UST: variants seen among roughly 807,000 people sequenced by gnomAD.
UST encodes uronyl 2-sulfotransferase, also known as chondroitin sulfate 2-O-sulfotransferase.
Under a neutral mutation model 45.6 loss-of-function variants are expected in UST, and 21 were observed. That is an observed-to-expected ratio of 0.46 (90% CI 0.33 to 0.66). UST has a LOEUF of 0.66. UST is among the 30% of genes least tolerant of loss of function. The pLI, the probability that UST is intolerant of heterozygous loss-of-function variation, is 0.02. For synonymous variants in UST, 215 were observed against 200.6 expected (o/e 1.07, Z -0.61); for missense variants, 463 against 512.4 (o/e 0.90, Z 0.93).
chr6:148,900,963 C>G (rs886964435), intron 2 of UST, among the ~76,000 whole-genome samples: 1 of 152,218 alleles, frequency 6.6e-6, no homozygotes, highest in Non-Finnish European at 1.5e-5. Flanking sequence ...ATCTCAGACT[C>G]TCCTTCTCCT....
At chr6:148,825,407 C>T (rs1052093889) in intron 1 of UST, among the ~76,000 whole-genome samples, 3 of 152,148 alleles carry the variant, frequency 2.0e-5, no homozygotes, top group African/African-American at 7.2e-5. Context: ...TGGGTGCCTA[C>T]TTACCCAAAA....
intron 1 of UST, among the ~76,000 whole-genome samples, chr6:148,802,813 G>A (rs1307831632): frequency 2.0e-5 from 3 of 152,188 alleles, no homozygotes; most frequent in Non-Finnish European, 2.9e-5. Context: ...CTGAAATCGT[G>A]AAAGGGGTCT....
chr6:148,952,309 G>A lies in UST; in HGVS notation c.448-1563G>A, dbSNP rs74341092. ...AAGCACTTGCAGGTGGTGTGTCGAG[G>A]ATAAACAGTAGATAAAGAGGCAGGA... is the stretch of plus-strand genomic sequence containing the variant. On this transcript the variant is annotated intron_variant, in intron 3 of 7. Transcript: ENST00000367463. Among the ~76,000 whole-genome samples the A allele has an allele frequency of 2.0e-3, 307 of 152,286 alleles. 6 individuals carry two copies. The East Asian group carries it at 0.052, about 26-fold the overall frequency.
At chr6:148,818,134 T>C (rs1022394802) in intron 1 of UST, among the ~76,000 whole-genome samples, 1 of 152,068 alleles carries the variant, frequency 6.6e-6, no homozygotes, top group Non-Finnish European at 1.5e-5. Flanking sequence ...CTGTCGGAAG[T>C]CTGTCTCCAA....
At chr6:148,791,741 G>A (rs1776852378) in intron 1 of UST, among the ~76,000 whole-genome samples, 1 of 152,162 alleles carries the variant, frequency 6.6e-6, no homozygotes, top group African/African-American at 2.4e-5. Context: ...GTAACAATAA[G>A]GGGGACATGT....
intron 7 of UST, among the ~76,000 whole-genome samples, chr6:149,073,197 A>C (rs1235069741): frequency 1.3e-5 from 2 of 152,230 alleles, no homozygotes; most frequent in African/African-American, 4.8e-5. Context: ...TAATCCCAGC[A>C]CTTTGGGATG....
intron 3 of UST, among the ~76,000 whole-genome samples, chr6:148,952,083 T>G (rs567082698): frequency 2.6e-5 from 4 of 152,238 alleles, no homozygotes; most frequent in African/African-American, 9.6e-5. Context: ...CAGAGAAATA[T>G]CTGAATAAAA....
intron 7 of UST, among the ~76,000 whole-genome samples, chr6:149,051,187 C>A (rs528561320): frequency 6.6e-6 from 1 of 152,320 alleles, no homozygotes; most frequent in South Asian, 2.1e-4. Flanking sequence ...TGAGCTTGGA[C>A]TCAGCAGCCA....
chr6:148,982,270 T>C (rs9404011), intron 5 of UST, among the ~76,000 whole-genome samples: 52,181 of 151,944 alleles, frequency 0.34, 9,636 homozygotes, highest in Non-Finnish European at 0.42. Context: ...GGCTAATTTT[T>C]TTATTTTTAG....
At chr6:149,035,454 G>T (rs1488270150) in intron 7 of UST, among the ~76,000 whole-genome samples, 7 of 152,096 alleles carry the variant, frequency 4.6e-5, no homozygotes, top group Admixed American at 4.6e-4. Flanking sequence ...TAAGAGTGAG[G>T]CACTAAAGAG....
chr6:149,035,996 G>T (rs1480502184), intron 7 of UST, among the ~76,000 whole-genome samples: 4 of 152,176 alleles, frequency 2.6e-5, no homozygotes, highest in African/African-American at 9.6e-5. Context: ...GGAGAGTGGA[G>T]CATGCATGCA....
intron 1 of UST, among the ~76,000 whole-genome samples, chr6:148,837,552 T>C (rs1777809216): frequency 6.6e-6 from 1 of 152,220 alleles, no homozygotes. Flanking sequence ...AGCATTGAAC[T>C]CATTGTTGCA....
At chr6:148,891,849 C>T (rs11756841) in intron 2 of UST, among the ~76,000 whole-genome samples, 32,090 of 152,076 alleles carry the variant, frequency 0.21, 4,132 homozygotes, top group African/African-American at 0.35. Context: ...TGCAGTGAAC[C>T]TTTTCACATC....
intron 5 of UST, among the ~76,000 whole-genome samples, chr6:149,004,113 TATA>T (rs567196027): frequency 2.0e-5 from 3 of 152,278 alleles, no homozygotes; most frequent in Non-Finnish European, 4.4e-5. Flanking sequence ...ATGTATTTAA[TATA>T]ATATTGAATA....
chr6:149,057,742 T>C (rs1323392132), intron 7 of UST, among the ~76,000 whole-genome samples: 16 of 152,242 alleles, frequency 1.1e-4, no homozygotes, highest in Admixed American at 9.2e-4. Flanking sequence ...GAAATGGTCA[T>C]GGTTAGTTAA....
At chr6:148,987,145 G>A (rs971944774) in intron 5 of UST, among the ~76,000 whole-genome samples, 4 of 152,194 alleles carry the variant, frequency 2.6e-5, no homozygotes, top group Non-Finnish European at 4.4e-5. Flanking sequence ...TGGTTGATGT[G>A]CTTCCTGCCC....
intron 1 of UST, among the ~76,000 whole-genome samples, chr6:148,775,626 A>ATT (rs752769104): frequency 6.9e-6 from 1 of 145,008 alleles, no homozygotes; most frequent in Non-Finnish European, 1.5e-5. Flanking sequence ...TTTTAATTAA[A>ATT]TTTTTTTTTT....
intron 2 of UST, among the ~76,000 whole-genome samples, chr6:148,933,692 G>A (rs1779965715): frequency 6.6e-6 from 1 of 152,208 alleles, no homozygotes; most frequent in African/African-American, 2.4e-5. Context: ...TTAGAAAACA[G>A]ATGTGTGTGG....
chr6:148,910,909 C>G (rs1779461568), intron 2 of UST, among the ~76,000 whole-genome samples: 1 of 152,118 alleles, frequency 6.6e-6, no homozygotes, highest in African/African-American at 2.4e-5. Context: ...TTCTTTCTTC[C>G]TTTCTCCTTC....
Sources: gnomAD v4.1 joint callset for allele counts (sites outside exome capture counted in the v4.1 genomes callset) on GRCh38, gnomAD v4.1.1 for gene constraint, MANE v1.5 for transcripts, NCBI Gene and HGNC (gene_info 2026-07-23, HGNC 2026-07-21) for gene names.